The following SCHIP1 variants were observed in gnomAD, a reference collection of about 807,000 sequenced individuals.
SCHIP1 encodes the protein schwannomin-interacting protein 1.
Under a neutral mutation model 29.7 loss-of-function variants are expected in SCHIP1, and 8 were observed. The observed-to-expected ratio is 0.27, with a 90% CI of 0.16 to 0.49. The LOEUF is 0.49. SCHIP1 is among the 20% of genes least tolerant of loss of function. SCHIP1 has a pLI of 0.99. For missense variants in SCHIP1, 193 were observed against 294.6 expected (o/e 0.66, Z 2.52); for synonymous variants, 76 against 94.9 (o/e 0.80, Z 1.16).
intron 2 of SCHIP1, among the ~76,000 whole-genome samples, chr3:159,874,293 T>C (rs996778782): frequency 6.6e-6 from 1 of 152,230 alleles, no homozygotes; most frequent in Non-Finnish European, 1.5e-5. Context: ...CTCCAAAGGC[T>C]GAATATTATG....
chr3:159,390,503 C>G, the SCHIP1 span, among the ~76,000 whole-genome samples: 1 of 151,676 alleles, frequency 6.6e-6, no homozygotes, highest in Non-Finnish European at 1.5e-5. Flanking sequence ...AAAATTTATG[C>G]TAAAAGAGAA....
the SCHIP1 span, among the ~76,000 whole-genome samples, chr3:159,427,256 A>G: frequency 6.6e-6 from 1 of 151,104 alleles, no homozygotes; most frequent in African/African-American, 2.4e-5. Flanking sequence ...GAGGAAGTCA[A>G]ATTGTCCCTC....
the SCHIP1 span, among the ~76,000 whole-genome samples, chr3:159,757,707 C>T: frequency 2.0e-5 from 3 of 152,262 alleles, no homozygotes; most frequent in Admixed American, 1.3e-4. Context: ...GCCAGTGGCC[C>T]AGAGAGCTAG....
intron 5 of SCHIP1, 84 bp from the exon 7 acceptor site, chr3:159,892,013 G>C: frequency 6.9e-7 from 1 of 1,444,250 alleles, no homozygotes. Flanking sequence ...GTAGCTGTTT[G>C]TGTGTATACT....
At chr3:159,330,613 G>A in the SCHIP1 span, among the ~76,000 whole-genome samples, 1 of 152,086 alleles carries the variant, frequency 6.6e-6, no homozygotes, top group Non-Finnish European at 1.5e-5. Context: ...ATTTTTCAGT[G>A]CACTGTATCA....
At chr3:159,811,738 C>A in the SCHIP1 span, among the ~76,000 whole-genome samples, 1 of 152,110 alleles carries the variant, frequency 6.6e-6, no homozygotes, top group African/African-American at 2.4e-5. Flanking sequence ...CAACTTTGTT[C>A]TTTTTTAAGA....
At chr3:159,690,121 A>C in the SCHIP1 span, among the ~76,000 whole-genome samples, 1 of 152,220 alleles carries the variant, frequency 6.6e-6, no homozygotes, top group African/African-American at 2.4e-5. Flanking sequence ...AAAATGAGTT[A>C]GGGAAGAGAC....
the SCHIP1 span, among the ~76,000 whole-genome samples, chr3:159,622,287 T>G: frequency 6.6e-6 from 1 of 152,162 alleles, no homozygotes; most frequent in Non-Finnish European, 1.5e-5. Context: ...GACAGCAATG[T>G]CAACACATCT....
chr3:159,876,786 A>T (rs959846582), intron 2 of SCHIP1, among the ~76,000 whole-genome samples: 4 of 152,210 alleles, frequency 2.6e-5, no homozygotes, highest in Non-Finnish European at 5.9e-5. Flanking sequence ...ATGTAGTCCT[A>T]AACTTTCCAG....
the SCHIP1 span, among the ~76,000 whole-genome samples, chr3:159,469,450 G>A: frequency 6.6e-6 from 1 of 152,018 alleles, no homozygotes; most frequent in African/African-American, 2.4e-5. Flanking sequence ...CCATTTCATA[G>A]GAGTACAATA....
At chr3:159,679,063 T>G in the SCHIP1 span, among the ~76,000 whole-genome samples, 188 of 152,312 alleles carry the variant, frequency 1.2e-3, 1 homozygote, top group African/African-American at 4.3e-3. Flanking sequence ...AGGATTCGAT[T>G]GATGAACTAT....
At chr3:159,378,860 G>A in the SCHIP1 span, among the ~76,000 whole-genome samples, 1 of 152,294 alleles carries the variant, frequency 6.6e-6, no homozygotes. Context: ...GCTCTTGCTG[G>A]TAATATAAGA....
chr3:159,628,793 G>A, the SCHIP1 span, among the ~76,000 whole-genome samples: 1 of 152,042 alleles, frequency 6.6e-6, no homozygotes, highest in Non-Finnish European at 1.5e-5. Flanking sequence ...GACCTTTATA[G>A]CATGGCCATA....
At chr3:159,862,892 C>T (rs1354383188) in intron 1 of SCHIP1, among the ~76,000 whole-genome samples, 4 of 151,986 alleles carry the variant, frequency 2.6e-5, no homozygotes, top group East Asian at 1.9e-4. Context: ...ACATTGCTGG[C>T]GGGCATGTGG....
chr3:159,591,292 C>G, the SCHIP1 span, among the ~76,000 whole-genome samples: 1 of 152,132 alleles, frequency 6.6e-6, no homozygotes, highest in Non-Finnish European at 1.5e-5. Flanking sequence ...GCCAGAACTT[C>G]CAACACTATG....
chr3:159,532,313 T>C, the SCHIP1 span, among the ~76,000 whole-genome samples: 7 of 152,186 alleles, frequency 4.6e-5, no homozygotes, highest in South Asian at 6.2e-4. Flanking sequence ...TTGGGGCCTT[T>C]TACTGCCAGT....
At chr3:159,592,156 T>C in the SCHIP1 span, among the ~76,000 whole-genome samples, 1 of 152,118 alleles carries the variant, frequency 6.6e-6, no homozygotes, top group Non-Finnish European at 1.5e-5. Flanking sequence ...AATTGTTGCC[T>C]TGTATGGGTT....
the SCHIP1 span, among the ~76,000 whole-genome samples, chr3:159,556,175 C>T: frequency 6.6e-6 from 1 of 152,108 alleles, no homozygotes; most frequent in Non-Finnish European, 1.5e-5. Context: ...AAATGCTCAC[C>T]ATCACTGGCC....
At chr3:159,367,083 C>T in the SCHIP1 span, among the ~76,000 whole-genome samples, 9 of 152,154 alleles carry the variant, frequency 5.9e-5, no homozygotes, top group Non-Finnish European at 1.2e-4. Flanking sequence ...GGCCCACAGG[C>T]TGGCATTTGA....
Sources: allele counts gnomAD v4.1 joint callset (sites outside exome capture counted in the v4.1 genomes callset), GRCh38; gene constraint gnomAD v4.1.1; transcripts MANE v1.5; gene names NCBI Gene and HGNC (gene_info 2026-07-23, HGNC 2026-07-21).